PRDM11: variants seen among roughly 807,000 people sequenced by gnomAD.
PRDM11 encodes PR domain-containing protein 11.
PRDM11 carries 20 observed loss-of-function variants against 97.8 expected under a neutral mutation model. That is an observed-to-expected ratio of 0.20 (90% CI 0.14 to 0.30). The LOEUF is 0.30. Among genes scored for constraint, PRDM11 ranks in the 10% least tolerant of loss-of-function variants. The pLI is 1.00. For synonymous variants in PRDM11, 599 were observed against 637.7 expected, an observed-to-expected ratio of 0.94 and a Z score of 0.91; for missense variants, 1,139 against 1,555.2, an observed-to-expected ratio of 0.73 and a Z score of 4.50.
intron 1 of PRDM11, among the ~76,000 whole-genome samples, chr11:45,133,135 CTTCTCT>C (rs1852756746): frequency 6.6e-6 from 1 of 152,214 alleles, no homozygotes; most frequent in Non-Finnish European, 1.5e-5. Flanking sequence ...TTAACTCTGC[CTTCTCT>C]TTCTAACACT....
upstream of PRDM11, among the ~76,000 whole-genome samples, chr11:45,141,658 C>G (rs1338520194): frequency 1.3e-5 from 2 of 152,310 alleles, no homozygotes; most frequent in East Asian, 1.9e-4. Flanking sequence ...ACCTGACCAA[C>G]AGATGCCAAA....
rs77230392 is a variant in PRDM11, at chr11:45,186,876, C to T, written c.486+3753C>T. ...GTCCACAGTAGACCTTGGGTTCCTT[C>T]AAAGATAGTGTCCCTCCACCATGTG... On this transcript the variant is annotated intron_variant, in intron 4 of 7. Transcript: ENST00000683152. Among the ~76,000 whole-genome samples, 1,074 of 152,312 alleles carry T rather than the reference C, an allele frequency of 7.1e-3. 12 individuals carry two copies. Among genetic ancestry groups the T allele is most frequent in the African/African-American group, 0.025 (1,023 of 41,560 alleles).
chr11:45,205,711 T>A (rs559719429), intron 5 of PRDM11, among the ~76,000 whole-genome samples: 1 of 152,288 alleles, frequency 6.6e-6, no homozygotes, highest in African/African-American at 2.4e-5. Flanking sequence ...GAGTGTGCTG[T>A]CTTAAACTCG....
chr11:45,183,241 C>T, intron 4 of PRDM11, 118 bp downstream of exon 4: 1 of 1,320,962 alleles, frequency 7.6e-7, no homozygotes, highest in Non-Finnish European at 1.0e-6. Flanking sequence ...CGCTTCTGGA[C>T]CTGTCGATGA....
Position 45,182,853 on chromosome 11 carries a change from C to G in PRDM11, c.224-8C>G, listed in dbSNP as rs747921341. 3.7e-5 allele frequency: 58 copies of G among 1,565,278 alleles called. No homozygotes were observed. Among genetic ancestry groups the G allele is most frequent in the Admixed American group, 1.6e-4 (9 of 54,878 alleles). On this transcript the variant is annotated splice_polypyrimidine_tract_variant and splice_region_variant and intron_variant, in intron 3 of 7. Transcript: ENST00000683152. ...CTGAGGCCCTCCCTTCTCTTTCCATCCCTCCAGTCTGTGAGTCCTGCCAGG... is the reference window on the plus strand; with the variant it reads ...CTGAGGCCCTCCCTTCTCTTTCCATGCCTCCAGTCTGTGAGTCCTGCCAGG...
intron 6 of PRDM11, among the ~76,000 whole-genome samples, chr11:45,223,143 C>G (rs539214088): frequency 2.0e-5 from 3 of 152,256 alleles, no homozygotes; most frequent in African/African-American, 7.2e-5. Flanking sequence ...TGGCGAAACC[C>G]TATCTCCACA....
rs1357040866 is a variant in PRDM11, at chr11:45,229,139, G to A, written c.*980G>A. ...CAAGGAAAATGAAAAGTACATATTC[G>A]AGTTACATGGATTATTTATACTTTT... On this transcript the variant is annotated 3_prime_UTR_variant, in exon 8 of 8. Coordinates refer to ENST00000683152, the MANE Select transcript of PRDM11 (RefSeq NM_001384648.1). 6.6e-6 allele frequency: 1 copy of A among 152,150 alleles called. No homozygotes were observed. The highest frequency in any genetic ancestry group is 1.5e-5 in the Non-Finnish European group (1 of 68,026). 9.4% of individuals were successfully genotyped at this position (152,150 alleles called of 1,614,324 possible). A position where few individuals can be genotyped will look rare whatever the true frequency, so the allele number is the denominator to read the frequency against.
At chr11:45,126,591 T>C (rs1852579231) in intron 1 of PRDM11, among the ~76,000 whole-genome samples, 1 of 152,176 alleles carries the variant, frequency 6.6e-6, no homozygotes, top group Non-Finnish European at 1.5e-5. Context: ...CTCCTTCGCT[T>C]ATGAAGCTTA....
At chr11:45,104,209 G>A (rs753374612) in intron 1 of PRDM11, among the ~76,000 whole-genome samples, 3 of 152,236 alleles carry the variant, frequency 2.0e-5, no homozygotes, top group Non-Finnish European at 2.9e-5. Flanking sequence ...TTGTTCCCAG[G>A]AGACCTGGCT....
At position 45,204,720 on chromosome 11, in the gene PRDM11, A is replaced by G. The variant is rs111724149; in HGVS notation, c.496A>G (p.Lys166Glu). The change falls in exon 5 of 8, where the codon AAG becomes GAG. Residue 166 changes from lysine (K) to glutamate (E), a missense_variant. Physicochemically the swap from Lys to Glu is moderately conservative, Grantham distance 56. Coordinates refer to ENST00000683152, the MANE Select transcript of PRDM11 (RefSeq NM_001384648.1). ...TTTCTCTTTCTTCCAGATTGTGGACAAGAACAACCGCTATAAGTCCATAGA... is the reference window on the plus strand; with the variant it reads ...TTTCTCTTTCTTCCAGATTGTGGACGAGAACAACCGCTATAAGTCCATAGA... The part of the protein sequence containing the change: ...AGFFSWLIVD[K>E]NNRYKSIDGS... 4,824 of 1,612,146 alleles carry G rather than the reference A, an allele frequency of 3.0e-3. 8 individuals carry two copies. Among genetic ancestry groups the G allele is most frequent in the Non-Finnish European group, 3.9e-3 (4,549 of 1,178,170 alleles).
chr11:45,212,714 C>T (rs1395042833), intron 5 of PRDM11: 1 of 456,516 alleles, frequency 2.2e-6, no homozygotes, highest in Non-Finnish European at 4.4e-6. Context: ...TGACTGGCAG[C>T]TCCTCCACGT....
intron 1 of PRDM11, among the ~76,000 whole-genome samples, chr11:45,104,325 G>A (rs1852025496): frequency 6.6e-6 from 1 of 152,242 alleles, no homozygotes; most frequent in Non-Finnish European, 1.5e-5. Context: ...CAGGGCACAG[G>A]GCTGGACAGG....
chr11:45,167,133 A>G (rs970516139), intron 1 of PRDM11, among the ~76,000 whole-genome samples: 2 of 152,206 alleles, frequency 1.3e-5, no homozygotes, highest in Admixed American at 1.3e-4. Context: ...CAAAAATGGA[A>G]TTCACTTTCA....
At chr11:45,160,958 T>A (rs1851913483) in intron 1 of PRDM11, among the ~76,000 whole-genome samples, 2 of 152,198 alleles carry the variant, frequency 1.3e-5, no homozygotes, top group South Asian at 4.1e-4. Flanking sequence ...TCTGCCCTCA[T>A]TCAAAGGCAT....
At chr11:45,176,729 A>G (rs1852336849) in intron 1 of PRDM11, among the ~76,000 whole-genome samples, 1 of 152,260 alleles carries the variant, frequency 6.6e-6, no homozygotes, top group Non-Finnish European at 1.5e-5. Flanking sequence ...TCTGTCTTAT[A>G]CATGTAAGTT....
rs564920876 is a variant in PRDM11 at position 45,219,928 on chromosome 11, G to T, written c.742+171G>T. On this transcript the variant is annotated intron_variant, in intron 6 of 7. Transcript: ENST00000683152. This position sits in a 1 kb window ranked among gnomAD's most constrained non-coding sequence, Gnocchi z 4.2. ...AGCAGCAGCTCTGGGCCAAGCAGGG[G>T]CCACCCCAGCATGTTATCGACCCCT... Among the ~76,000 whole-genome samples the T allele has an allele frequency of 1.3e-5, 2 of 152,140 alleles. No individual in the cohort carries two copies. The highest frequency in any genetic ancestry group is 1.5e-5 in the Non-Finnish European group (1 of 68,022).
At chr11:45,177,091 CATG>C (rs1852344466) in intron 1 of PRDM11, among the ~76,000 whole-genome samples, 1 of 152,214 alleles carries the variant, frequency 6.6e-6, no homozygotes, top group African/African-American at 2.4e-5. Context: ...TCTAGATTCT[CATG>C]GTGCCAGCCT....
At chr11:45,100,478 A>G (rs1490811113) in intron 1 of PRDM11, among the ~76,000 whole-genome samples, 1 of 151,906 alleles carries the variant, frequency 6.6e-6, no homozygotes, top group Non-Finnish European at 1.5e-5. Context: ...GCAGCCCTGA[A>G]CTCCCAGTCC....
rs1028345276 is a variant in PRDM11 at position 45,229,841 on chromosome 11, A to T, written c.*1682A>T. ...CTCTTGGTTGGCAGAGGGTGGTGTT[A>T]TCTGGCCACAGGCAAGGCCCCAATG... On this transcript the variant is annotated 3_prime_UTR_variant, in exon 8 of 8. Coordinates refer to ENST00000683152, the MANE Select transcript of PRDM11 (RefSeq NM_001384648.1). 6.6e-6 allele frequency: 1 copy of T among 152,198 alleles called. No homozygotes were observed. Among genetic ancestry groups the T allele is most frequent in the Admixed American group, 6.5e-5 (1 of 15,272 alleles). 9.4% of individuals were successfully genotyped at this position (152,198 alleles called of 1,614,324 possible).
Sources: allele counts gnomAD v4.1 joint callset (sites outside exome capture counted in the v4.1 genomes callset), GRCh38; gene constraint gnomAD v4.1.1; non-coding constraint Gnocchi (gnomAD v3.1); transcripts MANE v1.5; gene names NCBI Gene and HGNC (gene_info 2026-07-23, HGNC 2026-07-21).